The following LATS1 variants were observed in gnomAD, a reference collection of about 807,000 sequenced individuals.
LATS1 encodes large tumor suppressor kinase 1.
A neutral mutation model predicts 106.6 loss-of-function variants in LATS1; 25 were observed. That is an observed-to-expected ratio of 0.23 (90% CI 0.17 to 0.33). The LOEUF (loss-of-function observed/expected upper bound fraction) is 0.33, where lower values mean the gene tolerates loss of function less well. LATS1 is among the 10% of genes least tolerant of loss of function. The pLI is 1.00. For synonymous variants in LATS1, 465 were observed against 455.6 expected (o/e 1.02, Z -0.26); for missense variants, 1,040 against 1,382.6 (o/e 0.75, Z 3.93).
chr6:149,664,900 C>T (rs958542278), intron 7 of LATS1, among the ~76,000 whole-genome samples: 1 of 151,922 alleles, frequency 6.6e-6, no homozygotes, highest in Admixed American at 6.6e-5. Context: ...TCAAGGTAGC[C>T]CAAAACTTGG....
intron 1 of LATS1, among the ~76,000 whole-genome samples, chr6:149,712,210 T>A (rs1422212353): frequency 6.6e-6 from 1 of 152,128 alleles, no homozygotes; most frequent in Non-Finnish European, 1.5e-5. Flanking sequence ...ATTTATTTAT[T>A]TATTTATAGA....
intron 1 of LATS1, among the ~76,000 whole-genome samples, chr6:149,706,225 G>C (rs1397252936): frequency 1.8e-5 from 1 of 55,002 alleles, no homozygotes; most frequent in Admixed American, 2.0e-4. Context: ...AAAAAAAAAA[G>C]ATATTCCTGG....
In LATS1 at chr6:149,661,672, A is replaced by G; in HGVS notation, c.*57T>C. The G allele has an allele frequency of 6.9e-7, 1 of 1,456,180 alleles. No individual in the cohort carries two copies. Among genetic ancestry groups the G allele is most frequent in the African/African-American group, 1.4e-5 (1 of 70,600 alleles). The allele number at this position is 1,456,180 out of a possible 1,614,324, so 90.2% of individuals were successfully genotyped here. A position where few individuals can be genotyped will look rare whatever the true frequency, so the allele number is the denominator to read the frequency against. On this transcript the variant is annotated 3_prime_UTR_variant, in exon 8 of 8. Transcript: ENST00000543571. ...CATAATTTTACTCTCAGAACCTCAA[A>G]ACACCTCGCATTTCAGGCCCTTTTA...
chr6:149,667,759 T>C (rs1001326245), intron 7 of LATS1, among the ~76,000 whole-genome samples: 1 of 152,116 alleles, frequency 6.6e-6, no homozygotes, highest in African/African-American at 2.4e-5. Context: ...CCTATCATAA[T>C]TACGATACAG....
intron 7 of LATS1, among the ~76,000 whole-genome samples, chr6:149,675,085 C>T (rs141532749): frequency 2.9e-4 from 44 of 151,622 alleles, no homozygotes; most frequent in African/African-American, 8.9e-4. Flanking sequence ...GGTATGATGG[C>T]GCATGCCTGT....
chr6:149,714,268 A>G (rs2115030790), intron 1 of LATS1, among the ~76,000 whole-genome samples: 1 of 152,098 alleles, frequency 6.6e-6, no homozygotes, highest in African/African-American at 2.4e-5. Flanking sequence ...TACCACGCCC[A>G]GCTATTATTA....
chr6:149,672,827 T>C (rs1162832438), intron 7 of LATS1, among the ~76,000 whole-genome samples: 3 of 151,874 alleles, frequency 2.0e-5, no homozygotes, highest in African/African-American at 7.3e-5. Context: ...GCCTGTAGTC[T>C]CAGCTACTCA....
intron 1 of LATS1, among the ~76,000 whole-genome samples, chr6:149,710,531 A>G (rs780863803): frequency 3.3e-5 from 5 of 152,184 alleles, no homozygotes; most frequent in Non-Finnish European, 7.3e-5. Flanking sequence ...GTGTTTCATT[A>G]TCCTAATACA....
chr6:149,714,034 G>A (rs1010045414), intron 1 of LATS1, among the ~76,000 whole-genome samples: 1 of 150,230 alleles, frequency 6.7e-6, no homozygotes, highest in African/African-American at 2.5e-5. Context: ...GTGCAGTGTC[G>A]TATTCTGGCT....
intron 1 of LATS1, among the ~76,000 whole-genome samples, chr6:149,705,237 C>T (rs1783697245): frequency 6.6e-6 from 1 of 152,132 alleles, no homozygotes; most frequent in Admixed American, 6.6e-5. Flanking sequence ...GTCCCTAAAG[C>T]ATTTTCTTTT....
At position 149,661,640 on chromosome 6, in the gene LATS1, A is replaced by G; in HGVS notation, c.*89T>C. 1 of 1,084,130 alleles carries G rather than the reference A, an allele frequency of 9.2e-7. No individual in the cohort carries two copies. Among genetic ancestry groups the G allele is most frequent in the Non-Finnish European group, 1.3e-6 (1 of 756,172 alleles). The allele number at this position is 1,084,130 out of a possible 1,614,324, so 67.2% of individuals were successfully genotyped here. A position where few individuals can be genotyped will look rare whatever the true frequency, so the allele number is the denominator to read the frequency against. ...CAGAGCACACATATATAGCTCTGTC[A>G]TATTTGCATAATTTTACTCTCAGAA... On this transcript the variant is annotated 3_prime_UTR_variant, in exon 8 of 8. Coordinates refer to ENST00000543571, the MANE Select transcript of LATS1 (RefSeq NM_004690.4).
rs192981449 is a variant in LATS1 at position 149,663,702 on chromosome 6, A to T, written c.2884-1464T>A. On this transcript the variant is annotated intron_variant, in intron 7 of 7. Transcript: ENST00000543571. ...CAACTAATAATAGAATATTTTAAAA[A>T]CCCTTTTTGGAAAAAAAAAATGATA... Among the ~76,000 whole-genome samples the T allele has an allele frequency of 2.4e-4, 37 of 151,710 alleles. No individual in the cohort carries two copies. In the East Asian group the frequency reaches 6.6e-3, roughly 27 times the overall value.
At position 149,676,268 on chromosome 6, in the gene LATS1, G is replaced by T; in HGVS notation, c.2875C>A (p.Gln959Lys). 6.2e-7 allele frequency: 1 copy of T among 1,604,488 alleles called. No homozygotes were observed. The highest frequency in any genetic ancestry group is 1.1e-5 in the South Asian group (1 of 90,900). The change falls in exon 7 of 8, where the codon CAA becomes AAA. Residue 959 changes from glutamine (Q) to lysine (K), a missense_variant. This residue lies in a region of LATS1 where 113 missense variants were observed against 146.3 expected (regional missense o/e 0.77). Transcript: ENST00000543571. The part of the protein sequence containing the change: ...PFLAQTPLET[Q>K]MKVINWQTSL... ...TAGATGCCATACCTTACCTTCATTT[G>T]TGTTTCTAATGGTGTTTGTGCCAAG...
Position 149,684,319 on chromosome 6 carries a change from G to A in LATS1, c.770C>T (p.Pro257Leu). 6.2e-7 allele frequency: 1 copy of A among 1,614,056 alleles called. No homozygotes were observed. Among genetic ancestry groups the A allele is most frequent in the Non-Finnish European group, 8.5e-7 (1 of 1,179,986 alleles). Residue 257 changes from proline to leucine, a missense_variant, in exon 4 of 8, where the codon CCT becomes CTT. Coordinates refer to ENST00000543571, the MANE Select transcript of LATS1 (RefSeq NM_004690.4). ...GGGAGGTGGAGTTGTACCTCTTGGA[G>A]GGGGAGTCTGGCCTCTTGGAGGTGG... ...PPPPPRGQTP[P>L]PRGTTPPPPS... is the part of the protein sequence containing the mutation.
In LATS1 at chr6:149,701,876, G is replaced by C. The variant is rs780814720; in HGVS notation, c.251C>G (p.Ser84Cys). The C allele has an allele frequency of 6.2e-7, 1 of 1,614,190 alleles. No homozygotes were observed. The highest frequency in any genetic ancestry group is 1.1e-5 in the South Asian group (1 of 91,084). Reference sequence around the variant, plus strand: ...TGTTTCATTTGCAAATGGAAGCAGAGAGTTTCGAATTTCCTGCAAGGCTTT... The same window carrying C: ...TGTTTCATTTGCAAATGGAAGCAGACAGTTTCGAATTTCCTGCAAGGCTTT... ...HHKALQEIRN[S>C]LLPFANETNS... is the part of the protein sequence containing the mutation. Residue 84 changes from serine to cysteine, a missense_variant, in exon 2 of 8, where the codon TCT becomes TGT. Ser to Cys is a moderately radical substitution (Grantham distance 112, BLOSUM62 -1). Around this residue, in one of 7 missense-constraint regions of LATS1, gnomAD observed 624 missense variants for 714.8 expected, o/e 0.87. Transcript: ENST00000543571.
At chr6:149,676,851 A>T in intron 5 of LATS1, 114 bp from the exon 6 acceptor site, 1 of 882,140 alleles carries the variant, frequency 1.1e-6, no homozygotes, top group East Asian at 2.7e-5. Flanking sequence ...CTTGTGACAA[A>T]CTAAGACACA....
Position 149,684,306 on chromosome 6 carries a change from T to G in LATS1, c.783A>C (p.Thr261=). 6.2e-7 allele frequency: 1 copy of G among 1,613,904 alleles called. No individual in the cohort carries two copies. Among genetic ancestry groups the G allele is most frequent in the Non-Finnish European group, 8.5e-7 (1 of 1,179,962 alleles). The stretch of plus-strand genomic sequence containing the variant: ...GTTCCCATGAAGGGGGAGGTGGAGT[T>G]GTACCTCTTGGAGGGGGAGTCTGGC... ...PRGQTPPPRG[T]TPPPPSWEPN... Residue 261 remains threonine (T), a synonymous_variant, in exon 4 of 8, where the codon ACA becomes ACC. Coordinates refer to ENST00000543571, the MANE Select transcript of LATS1 (RefSeq NM_004690.4).
chr6:149,684,624 G>T lies in LATS1; in HGVS notation c.497-32C>A, dbSNP rs369802602. 233 of 1,458,018 alleles carry T rather than the reference G, an allele frequency of 1.6e-4. 1 individual carries two copies. The highest frequency in any genetic ancestry group is 2.0e-4 in the Non-Finnish European group (217 of 1,093,250). 90.3% of individuals were successfully genotyped at this position (1,458,018 alleles called of 1,614,324 possible). A position where few individuals can be genotyped will look rare whatever the true frequency, so the allele number is the denominator to read the frequency against. ...TTATAAGAGAGATAAAGAGAAAAAA[G>T]AATCATGTTTTTAACCTCTAATTTT... On this transcript the variant is annotated intron_variant, in intron 3 of 7. Transcript: ENST00000543571.
intron 1 of LATS1, among the ~76,000 whole-genome samples, chr6:149,711,497 T>C (rs1259297135): frequency 1.3e-5 from 2 of 152,196 alleles, no homozygotes; most frequent in African/African-American, 2.4e-5. Flanking sequence ...TGAGCGGAGA[T>C]TGTGCCACTG....
Sources: gnomAD v4.1 joint callset for allele counts (sites outside exome capture counted in the v4.1 genomes callset) on GRCh38, gnomAD v4.1.1 for gene constraint, gnomAD v4.1.1 regional missense constraint, MANE v1.5 for transcripts, NCBI Gene and HGNC (gene_info 2026-07-23, HGNC 2026-07-21) for gene names.